Variants in CAPS2 observed in about 807,000 individuals in gnomAD.
CAPS2 encodes calcyphosin-2.
CAPS2 carries 98 observed loss-of-function variants against 86.5 expected under a neutral mutation model. The observed-to-expected ratio is 1.13, with a 90% CI of 0.96 to 1.34. CAPS2 has a LOEUF of 1.34. Ranked by LOEUF, CAPS2 falls within the 40% of genes most tolerant of loss-of-function variation. CAPS2 has a pLI of 0.00. For synonymous variants in CAPS2, 210 were observed against 225.1 expected, an observed-to-expected ratio of 0.93 and a Z score of 0.60; for missense variants, 729 against 686.8, an observed-to-expected ratio of 1.06 and a Z score of -0.69.
At chr12:75,322,615 A>G (rs1473327179) in intron 4 of CAPS2, among the ~76,000 whole-genome samples, 2 of 152,224 alleles carry the variant, frequency 1.3e-5, no homozygotes, top group Non-Finnish European at 2.9e-5. Flanking sequence ...CAAGGAGACA[A>G]TCTGGAATGA....
upstream of CAPS2, chr12:75,329,905 A>T (rs776760596): frequency 6.5e-7 from 1 of 1,527,856 alleles, no homozygotes; most frequent in Non-Finnish European, 8.9e-7. Context: ...GAGGGGCACA[A>T]GAGACAGTCA....
chr12:75,368,295 T>C (rs903068810), intron 1 of CAPS2, among the ~76,000 whole-genome samples: 14 of 151,666 alleles, frequency 9.2e-5, no homozygotes, highest in African/African-American at 3.4e-4. Flanking sequence ...TGCTTGGCCA[T>C]ATAATTTTCC....
intron 2 of CAPS2, among the ~76,000 whole-genome samples, chr12:75,324,210 T>C (rs1326457017): frequency 6.6e-6 from 1 of 152,216 alleles, no homozygotes; most frequent in African/African-American, 2.4e-5. Context: ...ATATTCATGT[T>C]GGAACTACAC....
chr12:75,369,640 G>A lies in CAPS2; in HGVS notation c.-395+21198C>T, dbSNP rs1053432092. 5.1e-6 allele frequency: 5 copies of A among 982,834 alleles called. No individual in the cohort carries two copies. The African/African-American group carries it at 5.3e-5, about 10-fold the overall frequency. 60.9% of individuals were successfully genotyped at this position (982,834 alleles called of 1,614,324 possible). ...AAAAAATTCAACATGAAGAAATTACGTTTCTTCAGGGACGTGAATTGGGAA... is the reference window on the plus strand; with the variant it reads ...AAAAAATTCAACATGAAGAAATTACATTTCTTCAGGGACGTGAATTGGGAA... On this transcript the variant is annotated intron_variant, in intron 1 of 5. Coordinates refer to the CAPS2 transcript ENST00000551829.
In CAPS2 at chr12:75,293,188, A is replaced by C. The variant is rs1465761512; in HGVS notation, c.1163+61T>G. ...TACCTTATAGTAGAATGTCATTTTAAGATAATTTAAAAATAGTGTTTTCAC... is the reference window on the plus strand; with the variant it reads ...TACCTTATAGTAGAATGTCATTTTACGATAATTTAAAAATAGTGTTTTCAC... On this transcript the variant is annotated intron_variant, in intron 12 of 16. Coordinates refer to ENST00000393284, the Ensembl canonical transcript of CAPS2. The C allele has an allele frequency of 2.0e-5, 20 of 986,814 alleles. No individual in the cohort carries two copies. In the East Asian group the frequency reaches 4.3e-4, roughly 21 times the overall value. 61.1% of individuals were successfully genotyped at this position (986,814 alleles called of 1,614,324 possible).
At chr12:75,332,271 C>T (rs1019604717), upstream of CAPS2, among the ~76,000 whole-genome samples, 1 of 152,166 alleles carries the variant, frequency 6.6e-6, no homozygotes, top group Admixed American at 6.5e-5. Context: ...TCCCTATTAA[C>T]CTTATCCCTA....
chr12:75,286,586 A>G (rs1009598056), intron 14 of CAPS2, among the ~76,000 whole-genome samples: 1 of 152,016 alleles, frequency 6.6e-6, no homozygotes, highest in African/African-American at 2.4e-5. Flanking sequence ...ATTACATTTA[A>G]AAAAGCTGAA....
upstream of CAPS2, chr12:75,329,737 A>C: frequency 9.4e-7 from 1 of 1,069,066 alleles, no homozygotes; most frequent in Non-Finnish European, 1.3e-6. Flanking sequence ...CTGAATTGAA[A>C]CTTAGGTCAT....
At chr12:75,329,809 A>G (rs140630400), upstream of CAPS2, 226 of 1,533,070 alleles carry the variant, frequency 1.5e-4, no homozygotes, top group African/African-American at 2.7e-3. Flanking sequence ...CCTGCTCCCA[A>G]ATTATATTAT....
chr12:75,320,891 T>C (rs919543102), intron 5 of CAPS2, among the ~76,000 whole-genome samples: 1 of 151,964 alleles, frequency 6.6e-6, no homozygotes, highest in Non-Finnish European at 1.5e-5. Flanking sequence ...AGTGAATTTA[T>C]ACCTAATATT....
intron 8 of CAPS2, among the ~76,000 whole-genome samples, chr12:75,301,088 A>T (rs531192151): frequency 6.6e-6 from 1 of 152,210 alleles, no homozygotes; most frequent in African/African-American, 2.4e-5. Context: ...CTATTTAACA[A>T]TATAAAGCAA....
rs1038206832 is a variant in CAPS2 at position 75,340,836 on chromosome 12, A to G, written c.-394-17614T>C. On this transcript the variant is annotated intron_variant, in intron 1 of 5. Transcript: ENST00000551829. ...ATAAGCACATGAAAACATGCTAAACATCATTAGCCATTAGTGAAATGCAAA... is the reference window on the plus strand; with the variant it reads ...ATAAGCACATGAAAACATGCTAAACGTCATTAGCCATTAGTGAAATGCAAA... Among the ~76,000 whole-genome samples, 16 of 152,110 alleles carry G rather than the reference A, an allele frequency of 1.1e-4. 1 individual carries two copies. Among genetic ancestry groups the G allele is most frequent in the East Asian group, 1.9e-4 (1 of 5,206 alleles).
chr12:75,312,726 A>G (rs1412980715), intron 7 of CAPS2, 122 bp downstream of exon 7: 5 of 604,084 alleles, frequency 8.3e-6, no homozygotes, highest in East Asian at 2.7e-5. Context: ...GTAAACAGAG[A>G]AAGTTTGGGA....
intron 16 of CAPS2, among the ~76,000 whole-genome samples, chr12:75,280,766 A>T (rs1195112372): frequency 1.3e-5 from 2 of 151,890 alleles, no homozygotes; most frequent in Non-Finnish European, 1.5e-5. Context: ...AGATAATTAG[A>T]AATTTGGAAT....
intron 1 of CAPS2, among the ~76,000 whole-genome samples, chr12:75,387,681 G>A (rs1052930274): frequency 6.6e-6 from 1 of 152,152 alleles, no homozygotes; most frequent in African/African-American, 2.4e-5. Context: ...TGGGGACTCT[G>A]CAGAATCCCA....
At chr12:75,305,726 T>C in intron 7 of CAPS2, 1 of 685,166 alleles carries the variant, frequency 1.5e-6, no homozygotes, top group South Asian at 1.4e-5. Context: ...GCTCGTGTGG[T>C]ACATGCGGGT....
chr12:75,369,433 G>A (rs956621115), intron 1 of CAPS2: 34 of 707,436 alleles, frequency 4.8e-5, no homozygotes, highest in African/African-American at 1.9e-4. Flanking sequence ...TGCTGAATAC[G>A]TAGTAGAAGG....
intron 1 of CAPS2, among the ~76,000 whole-genome samples, chr12:75,344,639 G>A (rs527799798): frequency 3.9e-4 from 60 of 151,984 alleles, no homozygotes; most frequent in African/African-American, 1.4e-3. Flanking sequence ...ATTATGAATC[G>A]AATTTTCTTC....
At chr12:75,371,261 C>T (rs1272500702) in intron 1 of CAPS2, 1 of 154,216 alleles carries the variant, frequency 6.5e-6, no homozygotes, top group African/African-American at 2.4e-5. Context: ...GACGAAGAAC[C>T]TGGAGTCTGA....
Sources: gnomAD v4.1 joint callset for allele counts (sites outside exome capture counted in the v4.1 genomes callset) on GRCh38, gnomAD v4.1.1 for gene constraint, MANE v1.5 for transcripts, NCBI Gene and HGNC (gene_info 2026-07-23, HGNC 2026-07-21) for gene names.